TUBGCP6: variants seen among roughly 807,000 people sequenced by gnomAD.
TUBGCP6 encodes the protein gamma-tubulin complex component 6.
A neutral mutation model predicts 175.8 loss-of-function variants in TUBGCP6; 161 were observed. That is an observed-to-expected ratio of 0.92 (90% confidence interval 0.81 to 1.04). The LOEUF (loss-of-function observed/expected upper bound fraction) is 1.04, where lower values mean the gene tolerates loss of function less well. Among genes scored for constraint, TUBGCP6 ranks in the 50% least tolerant of loss-of-function variants. The pLI, the probability that TUBGCP6 is intolerant of heterozygous loss-of-function variation, is 0.00. For missense variants in TUBGCP6, 2,572 were observed against 2,433.0 expected, an observed-to-expected ratio of 1.06 and a Z score of -1.20; for synonymous variants, 1,173 against 1,030.5, an observed-to-expected ratio of 1.14 and a Z score of -2.65.
At position 50,219,085 on chromosome 22, in the gene TUBGCP6, C is replaced by T. The variant is rs762215407; in HGVS notation, c.4609G>A (p.Asp1537Asn). Residue 1537 changes from aspartate (D) to asparagine (N), a missense_variant, in exon 20 of 25, where the codon GAC becomes AAC. By Grantham distance (23) the Asp-to-Asn change is conservative. Coordinates refer to ENST00000248846, the MANE Select transcript of TUBGCP6 (RefSeq NM_020461.4). ...EDGEFAQSLS[D>N]LLFEKLGAGQ... Reference sequence around the variant, plus strand: ...GAGGCCACCTTCTCAAAGAGCAGGTCGCTGAGGGACTGGGCGAACTCGCCG... The same window carrying T: ...GAGGCCACCTTCTCAAAGAGCAGGTTGCTGAGGGACTGGGCGAACTCGCCG... The T allele has an allele frequency of 6.2e-6, 10 of 1,612,390 alleles. No individual in the cohort carries two copies. The highest frequency in any genetic ancestry group is 6.8e-6 in the Non-Finnish European group (8 of 1,179,972).
At chr22:50,224,698 A>G (rs573436268) in intron 10 of TUBGCP6, 106 bp from the exon 11 acceptor site, 4 of 1,106,950 alleles carry the variant, frequency 3.6e-6, no homozygotes, top group Admixed American at 1.9e-5. Context: ...CATGAGCTTA[A>G]GAGTTCAAGA....
Position 50,226,135 on chromosome 22 carries a change from C to T in TUBGCP6, c.1748G>A (p.Cys583Tyr), listed in dbSNP as rs2064604382. Residue 583 changes from cysteine (C) to tyrosine (Y), a missense_variant, in exon 9 of 25, where the codon TGT becomes TAT. By Grantham distance (194) the Cys-to-Tyr change is radical. Coordinates refer to ENST00000248846, the MANE Select transcript of TUBGCP6 (RefSeq NM_020461.4). The stretch of plus-strand genomic sequence containing the variant: ...AATGTGCTTCAGAAACACGGGAACA[C>T]AGTCCTCCACCTCTTTGGAGATGAG... ...YVLISKEVED[C>Y]VPVFLKHIAH... 6.2e-7 allele frequency: 1 copy of T among 1,614,062 alleles called. No homozygotes were observed. The highest frequency in any genetic ancestry group is 1.7e-5 in the Admixed American group (1 of 60,002).
chr22:50,221,231 A>T lies in TUBGCP6; in HGVS notation c.3128T>A (p.Ile1043Lys). 6.2e-7 allele frequency: 1 copy of T among 1,614,154 alleles called. No individual in the cohort carries two copies. The highest frequency in any genetic ancestry group is 8.5e-7 in the Non-Finnish European group (1 of 1,180,040). The change falls in exon 16 of 25, where the codon ATA becomes AAA. Residue 1043 changes from isoleucine (I) to lysine (K), a missense_variant. Transcript: ENST00000248846. ...GTTCCACCGTGGCCGGGTGGGAGCT[A>T]TTTCAGAAGCGTAGTCCCCTGTGGG... is the stretch of plus-strand genomic sequence containing the variant. ...GLPTGDYASE[I>K]APTRPRWNTH...
At chr22:50,225,987 G>A (rs956897912) in intron 9 of TUBGCP6, 44 bp from the exon 10 acceptor site, 1 of 1,613,024 alleles carries the variant, frequency 6.2e-7, no homozygotes, top group Non-Finnish European at 8.5e-7. Context: ...CTCAGCCCCA[G>A]CCTCATACTC....
chr22:50,219,993 A>G lies in TUBGCP6; in HGVS notation c.4131T>C (p.Thr1377=), dbSNP rs758107825. The G allele has an allele frequency of 1.1e-5, 17 of 1,613,836 alleles. No homozygotes were observed. Among genetic ancestry groups the G allele is most frequent in the East Asian group, 2.2e-5 (1 of 44,882 alleles). Residue 1377 remains threonine, a synonymous_variant, in exon 17 of 25, where the codon ACT becomes ACC. Transcript: ENST00000248846. Reference sequence around the variant, plus strand: ...GAGGCCAATTTGGAGAGAGGTCCTCAGTGTCCCCGCTCCTCCCAGGGCCTG... The same window carrying G: ...GAGGCCAATTTGGAGAGAGGTCCTCGGTGTCCCCGCTCCTCCCAGGGCCTG... The part of the protein sequence containing the change: ...EELGPGRSGD[T]EDLSPNWPLN...
Position 50,220,483 on chromosome 22 carries a change from C to T in TUBGCP6, c.3876G>A (p.Arg1292=). 1 of 1,613,258 alleles carries T rather than the reference C, an allele frequency of 6.2e-7. No individual in the cohort carries two copies. The highest frequency in any genetic ancestry group is 8.5e-7 in the Non-Finnish European group (1 of 1,179,972). The change falls in exon 16 of 25, where the codon AGG becomes AGA. Residue 1292 remains arginine, a synonymous_variant. Transcript: ENST00000248846. The part of the protein sequence containing the change: ...LSPEAEPNTP[R]PQQSPPGHTS... ...TGTGGCCAGGGGGGCTCTGTTGGGG[C>T]CTGGGTGTGTTGGGCTCAGCTTCTG...
In TUBGCP6 at chr22:50,243,632, A is replaced by AAGAAG. The variant is rs878882451; in HGVS notation, c.741+86_741+87insCTTCT. The AAGAAG allele has an allele frequency of 3.8e-5, 36 of 954,102 alleles. No homozygotes were observed. In the South Asian group the frequency reaches 4.9e-4, roughly 13 times the overall value. The allele number at this position is 954,102 out of a possible 1,614,324, so 59.1% of individuals were successfully genotyped here. A position where few individuals can be genotyped will look rare whatever the true frequency, so the allele number is the denominator to read the frequency against. On this transcript the variant is annotated intron_variant, in intron 1 of 24. Transcript: ENST00000248846. ...GACACTGTCTCAAAAAAAAAAAAAAAAAGAAGAAGAAGAAGAAGAAGAAAG... is the reference window on the plus strand; with the variant it reads ...GACACTGTCTCAAAAAAAAAAAAAAAAGAAGAAGAAGAAGAAGAAGAAGAAGAAAG...
Position 50,221,751 on chromosome 22 carries a change from T to C in TUBGCP6, c.2608A>G (p.Lys870Glu). The C allele has an allele frequency of 6.6e-7, 1 of 1,516,346 alleles. No homozygotes were observed. Among genetic ancestry groups the C allele is most frequent in the Non-Finnish European group, 8.8e-7 (1 of 1,133,304 alleles). 93.9% of individuals were successfully genotyped at this position (1,516,346 alleles called of 1,614,324 possible). A position where few individuals can be genotyped will look rare whatever the true frequency, so the allele number is the denominator to read the frequency against. Reference protein sequence around the residue: ...RPGLLTPQPLKPLAVGAGGRG... With the variant: ...RPGLLTPQPLEPLAVGAGGRG... ...CCACCAGCCCCCACTGCTAGAGGCTTAAGGGGCTGTGGGGTCAGCAGGCCT... is the reference window on the plus strand; with the variant it reads ...CCACCAGCCCCCACTGCTAGAGGCTCAAGGGGCTGTGGGGTCAGCAGGCCT... Residue 870 changes from lysine to glutamate, a missense_variant, in exon 16 of 25, where the codon AAG (lysine) becomes GAG (glutamate). Lys to Glu is a moderately conservative substitution (Grantham distance 56). Transcript: ENST00000248846.
In TUBGCP6 at chr22:50,244,157, G is replaced by A. The variant is rs1275624828; in HGVS notation, c.303C>T (p.Cys101=). 1 of 1,613,432 alleles carries A rather than the reference G, an allele frequency of 6.2e-7. No homozygotes were observed. The part of the protein sequence containing the change: ...ELVEELEAAP[C]CPLLEVGSVL... ...CAGACCCCACCTCCAAAAGCGGACAGCAAGGGGCTGCTTCCAGCTCCTCCA... is the reference window on the plus strand; with the variant it reads ...CAGACCCCACCTCCAAAAGCGGACAACAAGGGGCTGCTTCCAGCTCCTCCA... Residue 101 remains cysteine, a synonymous_variant, in exon 1 of 25, where the codon TGC becomes TGT. Transcript: ENST00000248846.
rs1384470378 is a variant in TUBGCP6 at position 50,220,615 on chromosome 22, G to A, written c.3744C>T (p.Ala1248=). 1 of 1,612,688 alleles carries A rather than the reference G, an allele frequency of 6.2e-7. No individual in the cohort carries two copies. ...ACACAGGCTCCCCCAAGCTGATGCTGGCGTCGGACACGTGTCCATGGGTGT... is the reference window on the plus strand; with the variant it reads ...ACACAGGCTCCCCCAAGCTGATGCTAGCGTCGGACACGTGTCCATGGGTGT... ...RCNTHGHVSD[A]SISLGEPVSD... The change falls in exon 16 of 25, where the codon GCC becomes GCT. Residue 1248 remains alanine (A), a synonymous_variant. Coordinates refer to ENST00000248846, the MANE Select transcript of TUBGCP6 (RefSeq NM_020461.4).
chr22:50,225,655 C>CCTTCAT, intron 10 of TUBGCP6, 139 bp downstream of exon 10: 1 of 1,134,216 alleles, frequency 8.8e-7, no homozygotes, highest in Non-Finnish European at 1.2e-6. Flanking sequence ...TGGCACCCAC[C>CCTTCAT]CAGGCCACCG....
At chr22:50,228,141 G>T in intron 4 of TUBGCP6, 113 bp from the exon 5 acceptor site, 1 of 1,301,010 alleles carries the variant, frequency 7.7e-7, no homozygotes, top group South Asian at 1.6e-5. Flanking sequence ...CTCAGCTCTG[G>T]GCTCCATTTC....
In TUBGCP6 at chr22:50,244,384, G is replaced by T; in HGVS notation, c.76C>A (p.Arg26Ser). ...TTTGCCCTCTTCCGGTTCACACTGC[G>T]CTGGCCCAGGTGAGTCTTGGCAGCC... ...LPAAKTHLGQ[R>S]SVNRKRAKRS... The change falls in exon 1 of 25, where the codon CGC becomes AGC. Residue 26 changes from arginine (R) to serine (S), a missense_variant. Arg to Ser is a moderately radical substitution (Grantham distance 110). Transcript: ENST00000248846. 6.2e-7 allele frequency: 1 copy of T among 1,613,314 alleles called. No homozygotes were observed. The highest frequency in any genetic ancestry group is 8.5e-7 in the Non-Finnish European group (1 of 1,180,034).
chr22:50,218,145 G>A, intron 23 of TUBGCP6, 28 bp from the exon 24 acceptor site: 1 of 1,610,304 alleles, frequency 6.2e-7, no homozygotes, highest in Non-Finnish European at 8.5e-7. Flanking sequence ...TGCTGGGTGG[G>A]CTGAGCCGTG....
chr22:50,240,075 A>G (rs1341553144), intron 2 of TUBGCP6, 129 bp downstream of exon 2: 14 of 1,299,368 alleles, frequency 1.1e-5, no homozygotes, highest in Non-Finnish European at 1.4e-5. Flanking sequence ...TTTGGACACT[A>G]GCTTAGGTTA....
intron 3 of TUBGCP6, among the ~76,000 whole-genome samples, chr22:50,232,653 C>G (rs1025728040): frequency 2.6e-5 from 4 of 152,254 alleles, no homozygotes; most frequent in African/African-American, 9.6e-5. Context: ...AACAGGCGCC[C>G]TCAGCGCCGG....
intron 14 of TUBGCP6, 80 bp from the exon 15 acceptor site, chr22:50,222,182 C>G: frequency 1.4e-6 from 2 of 1,454,530 alleles, no homozygotes; most frequent in Non-Finnish European, 1.9e-6. Flanking sequence ...CAGCCCCTAC[C>G]GCCCATGGCA....
rs779833996 is a variant in TUBGCP6, at chr22:50,219,990, C to CT, written c.4133dup (p.Asp1379GlyfsTer24). 1 of 1,614,002 alleles carries CT rather than the reference C, an allele frequency of 6.2e-7. No homozygotes were observed. Among genetic ancestry groups the CT allele is most frequent in the East Asian group, 2.2e-5 (1 of 44,872 alleles). ...TGAGAGGCCAATTTGGAGAGAGGTCCTCAGTGTCCCCGCTCCTCCCAGGGC... is the reference window on the plus strand; with the variant it reads ...TGAGAGGCCAATTTGGAGAGAGGTCCTTCAGTGTCCCCGCTCCTCCCAGGGC... On this transcript the variant is annotated frameshift_variant, in exon 17 of 25. Transcript: ENST00000248846. LOFTEE classifies it high-confidence loss of function.
rs1353368086 is a variant in TUBGCP6, at chr22:50,220,373, A to G, written c.3986T>C (p.Leu1329Pro). ...CCCGCAGCCCGAGCTGGGGGAGGAC[A>G]GAGATGGCCCCACTTCTACAGGCAG... ...PRLPVEVGPSLSSPSSGCGEG... is the reference protein window; with the variant it reads ...PRLPVEVGPSPSSPSSGCGEG... Residue 1329 changes from leucine (L) to proline (P), a missense_variant, in exon 16 of 25, where the codon CTG (leucine) becomes CCG (proline). Leu to Pro is a moderately conservative substitution (Grantham distance 98). Transcript: ENST00000248846. 6.4e-7 allele frequency: 1 copy of G among 1,559,556 alleles called. No individual in the cohort carries two copies. Among genetic ancestry groups the G allele is most frequent in the Non-Finnish European group, 8.7e-7 (1 of 1,148,994 alleles).
Sources: allele counts gnomAD v4.1 joint callset (sites outside exome capture counted in the v4.1 genomes callset), GRCh38; gene constraint gnomAD v4.1.1; transcripts MANE v1.5; gene names NCBI Gene and HGNC (gene_info 2026-07-23, HGNC 2026-07-21).